The following KAZN variants were observed in gnomAD, a reference collection of about 807,000 sequenced individuals.
KAZN encodes the protein kazrin.
Under a neutral mutation model 87.4 loss-of-function variants are expected in KAZN, and 40 were observed. The observed-to-expected ratio is 0.46, with a 90% CI of 0.36 to 0.60. KAZN has a LOEUF of 0.60. KAZN is among the 20% of genes least tolerant of loss of function. The probability of loss-of-function intolerance (pLI) is 0.00; values close to 1 mark genes in which losing one functional copy is unlikely to be tolerated. For synonymous variants in KAZN, 466 were observed against 458.3 expected (o/e 1.02, Z -0.22); for missense variants, 898 against 1,073.9 (o/e 0.84, Z 2.29).
At chr1:14,024,848 A>C (rs567026108) in intron 1 of KAZN, among the ~76,000 whole-genome samples, 1 of 152,332 alleles carries the variant, frequency 6.6e-6, no homozygotes, top group South Asian at 2.1e-4. Context: ...CTTTGTCCCC[A>C]ATCAGTTAAA....
intron 2 of KAZN, among the ~76,000 whole-genome samples, chr1:14,285,515 A>G (rs1653177317): frequency 6.6e-6 from 1 of 152,140 alleles, no homozygotes; most frequent in Admixed American, 6.5e-5. Flanking sequence ...TCCCTGACCT[A>G]GCACATGCAG....
chr1:14,450,125 C>CG lies in KAZN; in HGVS notation c.250-148858_250-148857insG, dbSNP rs530932599. ...GAGATGCTGGGGAGAGTGCTGCCCC[C>CG]CCGCCTGCAGTCTCTCTCTGCCTGT... is the stretch of plus-strand genomic sequence containing the variant. On this transcript the variant is annotated intron_variant, in intron 2 of 16. Coordinates refer to the KAZN transcript ENST00000636203. Among the ~76,000 whole-genome samples, 160 of 152,076 alleles carry CG rather than the reference C, an allele frequency of 1.1e-3. 1 individual carries two copies. In the East Asian group the frequency reaches 0.022, roughly 21 times the overall value.
chr1:14,204,151 T>C, intron 2 of KAZN, among the ~76,000 whole-genome samples: 1 of 152,242 alleles, frequency 6.6e-6, no homozygotes, highest in East Asian at 1.9e-4. Context: ...TCTTTGAAAA[T>C]CTTCCTTTTG....
intron 2 of KAZN, among the ~76,000 whole-genome samples, chr1:14,379,133 T>C (rs1306180297): frequency 6.6e-6 from 1 of 150,546 alleles, no homozygotes; most frequent in Middle Eastern, 3.2e-3. Flanking sequence ...AGACACATGC[T>C]GGGCCAGAAG....
chr1:14,611,061 A>G (rs1406459072), intron 1 of KAZN, among the ~76,000 whole-genome samples: 1 of 152,186 alleles, frequency 6.6e-6, no homozygotes, highest in Non-Finnish European at 1.5e-5. Context: ...TCCACAGATC[A>G]CAAGCCAGCC....
chr1:15,067,723 G>A, intron 8 of KAZN: 1 of 985,426 alleles, frequency 1.0e-6, no homozygotes, highest in Non-Finnish European at 1.2e-6. Flanking sequence ...CAGCAAGCAG[G>A]CAGAGGCCCT....
At chr1:14,979,754 C>G (rs887661274) in intron 2 of KAZN, among the ~76,000 whole-genome samples, 1 of 152,266 alleles carries the variant, frequency 6.6e-6, no homozygotes, top group East Asian at 1.9e-4. Flanking sequence ...TCCTCTTGAA[C>G]TTGGGCAAGT....
chr1:13,908,250 A>G (rs1199843008), intron 1 of KAZN, among the ~76,000 whole-genome samples: 1 of 152,144 alleles, frequency 6.6e-6, no homozygotes, highest in East Asian at 1.9e-4. Context: ...GCATCAACAC[A>G]TTGTCTTGTG....
At chr1:14,175,826 G>C (rs555127936) in intron 1 of KAZN, among the ~76,000 whole-genome samples, 1 of 152,314 alleles carries the variant, frequency 6.6e-6, no homozygotes, top group East Asian at 1.9e-4. Flanking sequence ...CATGGAGTCT[G>C]TGTATTGGGA....
chr1:13,910,494 G>A (rs1436412100), intron 1 of KAZN, among the ~76,000 whole-genome samples: 1 of 151,436 alleles, frequency 6.6e-6, no homozygotes, highest in African/African-American at 2.4e-5. Context: ...GCAACAGAGT[G>A]AGACTCTGTC....
chr1:15,048,689 T>C lies in KAZN; in HGVS notation c.726+4530T>C, dbSNP rs544566676. Among the ~76,000 whole-genome samples, 113 of 145,842 alleles carry C rather than the reference T, an allele frequency of 7.7e-4. 1 individual carries two copies. Among genetic ancestry groups the C allele is most frequent in the African/African-American group, 3.0e-3 (110 of 36,782 alleles). Reference sequence around the variant, plus strand: ...GTCGCTGGTCCTGGGTCGTTGGTCCTGGGTCGTTGATCCTTGGTCGTTGGT... The same window carrying C: ...GTCGCTGGTCCTGGGTCGTTGGTCCCGGGTCGTTGATCCTTGGTCGTTGGT... On this transcript the variant is annotated intron_variant, in intron 4 of 14. Transcript: ENST00000376030.
At chr1:13,917,119 T>C (rs1331721363) in intron 1 of KAZN, among the ~76,000 whole-genome samples, 4 of 152,132 alleles carry the variant, frequency 2.6e-5, no homozygotes, top group African/African-American at 9.7e-5. Flanking sequence ...TGCACGCCCA[T>C]GTGTGTAATA....
chr1:14,894,156 T>G (rs1460431655), intron 1 of KAZN, among the ~76,000 whole-genome samples: 1 of 151,998 alleles, frequency 6.6e-6, no homozygotes, highest in Non-Finnish European at 1.5e-5. Flanking sequence ...CCATCTCCCC[T>G]GCCCAGCTCT....
chr1:14,619,859 T>A (rs1368116111), intron 1 of KAZN, among the ~76,000 whole-genome samples: 1 of 152,250 alleles, frequency 6.6e-6, no homozygotes, highest in Non-Finnish European at 1.5e-5. Context: ...TTGTAGCGTG[T>A]ATCAGCACTT....
intron 2 of KAZN, among the ~76,000 whole-genome samples, chr1:14,467,559 C>T (rs947548578): frequency 4.0e-5 from 6 of 149,294 alleles, no homozygotes; most frequent in African/African-American, 9.9e-5. Flanking sequence ...CTTTTTTAAA[C>T]GACCCAATTA....
At chr1:14,441,879 C>G (rs1357332977) in intron 2 of KAZN, among the ~76,000 whole-genome samples, 1 of 152,162 alleles carries the variant, frequency 6.6e-6, no homozygotes, top group Non-Finnish European at 1.5e-5. Flanking sequence ...GGACCCGTAG[C>G]CAGAAGATCT....
At chr1:14,623,484 G>A (rs993536425) in intron 1 of KAZN, among the ~76,000 whole-genome samples, 1 of 152,226 alleles carries the variant, frequency 6.6e-6, no homozygotes, top group African/African-American at 2.4e-5. Flanking sequence ...GAGGATCGGA[G>A]GAGGGAGAGG....
intron 8 of KAZN, among the ~76,000 whole-genome samples, chr1:15,088,514 C>G (rs1377140216): frequency 6.6e-6 from 1 of 152,168 alleles, no homozygotes; most frequent in Non-Finnish European, 1.5e-5. Flanking sequence ...CAGACTCCAC[C>G]AGGGACTCAG....
At position 14,791,533 on chromosome 1, in the gene KAZN, G is replaced by A. The variant is rs575754232; in HGVS notation, c.227-169151G>A. On this transcript the variant is annotated intron_variant, in intron 1 of 14. Transcript: ENST00000376030. ...TTGCAAGCCCCCAGTCTCTGGTCCT[G>A]GTGGAGGAATGTGCCTCTGGTCCCT... is the stretch of plus-strand genomic sequence containing the variant. Among the ~76,000 whole-genome samples the A allele has an allele frequency of 4.6e-5, 7 of 152,324 alleles. No individual in the cohort carries two copies. The South Asian group carries it at 1.0e-3, about 23-fold the overall frequency.
Sources: gnomAD v4.1 joint callset for allele counts (sites outside exome capture counted in the v4.1 genomes callset) on GRCh38, gnomAD v4.1.1 for gene constraint, MANE v1.5 for transcripts, NCBI Gene and HGNC (gene_info 2026-07-23, HGNC 2026-07-21) for gene names.